Variants in AGPAT5 observed in about 807,000 individuals in gnomAD.
AGPAT5 encodes 1-acyl-sn-glycerol-3-phosphate acyltransferase epsilon.
A neutral mutation model predicts 45.6 loss-of-function variants in AGPAT5; 46 were observed. That is an observed-to-expected ratio of 1.01 (90% CI 0.80 to 1.29). AGPAT5 has a LOEUF of 1.29. Ranked by LOEUF, AGPAT5 falls within the 50% of genes most tolerant of loss-of-function variation. AGPAT5 has a pLI of 0.00. For synonymous variants in AGPAT5, 272 were observed against 167.0 expected (o/e 1.63, Z -4.85); for missense variants, 673 against 450.7 (o/e 1.49, Z -4.47).
chr8:6,726,596 C>A (rs1800694371), intron 2 of AGPAT5, among the ~76,000 whole-genome samples: 1 of 151,978 alleles, frequency 6.6e-6, no homozygotes. Context: ...TATATGTATT[C>A]CTTCAGATTA....
intron 1 of AGPAT5, among the ~76,000 whole-genome samples, chr8:6,720,230 A>G (rs1372501267): frequency 2.7e-5 from 4 of 146,958 alleles, no homozygotes; most frequent in Non-Finnish European, 4.5e-5. Flanking sequence ...TCGCTGGAAC[A>G]TTCTGGACAC....
At chr8:6,740,464 T>G (rs1801211394) in intron 4 of AGPAT5, among the ~76,000 whole-genome samples, 1 of 148,728 alleles carries the variant, frequency 6.7e-6, no homozygotes, top group African/African-American at 2.4e-5. Flanking sequence ...TTAAATATAA[T>G]TATACATATA....
chr8:6,727,222 G>A (rs753759715), intron 2 of AGPAT5, among the ~76,000 whole-genome samples: 2 of 152,106 alleles, frequency 1.3e-5, no homozygotes, highest in Non-Finnish European at 2.9e-5. Context: ...CAAAAGAATT[G>A]ACATTTAAAT....
chr8:6,750,107 C>G (rs141639499), intron 6 of AGPAT5, among the ~76,000 whole-genome samples: 3 of 152,354 alleles, frequency 2.0e-5, no homozygotes, highest in East Asian at 3.9e-4. Context: ...GGCTACTGTT[C>G]TCCCACAGTG....
intron 1 of AGPAT5, among the ~76,000 whole-genome samples, chr8:6,718,628 C>G (rs1404857950): frequency 6.6e-6 from 1 of 152,202 alleles, no homozygotes; most frequent in Non-Finnish European, 1.5e-5. Context: ...GCTGATGATT[C>G]CATGGATAGC....
intron 6 of AGPAT5, 136 bp downstream of exon 6, chr8:6,747,964 G>T: frequency 1.1e-6 from 1 of 944,914 alleles, no homozygotes; most frequent in Non-Finnish European, 1.5e-6. Flanking sequence ...TTTTCAAGAT[G>T]TTATTAAGAT....
chr8:6,737,381 C>A (rs1193709368), intron 4 of AGPAT5, among the ~76,000 whole-genome samples: 1 of 152,170 alleles, frequency 6.6e-6, no homozygotes, highest in Non-Finnish European at 1.5e-5. Context: ...CTTACTAGTT[C>A]TCATGAATCT....
At chr8:6,733,131 T>G (rs902880180) in intron 4 of AGPAT5, among the ~76,000 whole-genome samples, 1 of 152,230 alleles carries the variant, frequency 6.6e-6, no homozygotes, top group Admixed American at 6.5e-5. Context: ...TATAAAACTT[T>G]ATTCCACAAA....
intron 4 of AGPAT5, among the ~76,000 whole-genome samples, chr8:6,737,997 C>G (rs1380396208): frequency 6.6e-6 from 1 of 152,186 alleles, no homozygotes; most frequent in Admixed American, 6.5e-5. Flanking sequence ...AGTGTTGTGG[C>G]TGGTTTGATG....
chr8:6,731,040 T>G (rs549987534), intron 3 of AGPAT5, among the ~76,000 whole-genome samples: 180 of 152,066 alleles, frequency 1.2e-3, no homozygotes, highest in African/African-American at 4.3e-3. Flanking sequence ...GGCTAAATTT[T>G]CTATTTTTTG....
At chr8:6,753,580 G>A (rs1563308472) in intron 6 of AGPAT5, among the ~76,000 whole-genome samples, 1 of 152,086 alleles carries the variant, frequency 6.6e-6, no homozygotes. Flanking sequence ...CTACTTTATA[G>A]ACTTGCACCC....
In AGPAT5 at chr8:6,741,326, C is replaced by T. The variant is rs1006309040; in HGVS notation, c.496-335C>T. Among the ~76,000 whole-genome samples the T allele has an allele frequency of 2.6e-5, 4 of 152,136 alleles. No homozygotes were observed. In the East Asian group the frequency reaches 7.7e-4, roughly 29 times the overall value. On this transcript the variant is annotated intron_variant, in intron 4 of 7. Transcript: ENST00000285518. Reference sequence around the variant, plus strand: ...TGACGTATTACAGGATCTGAAAGGGCAAAAACTCATTGAGGCTTTGTATGA... The same window carrying T: ...TGACGTATTACAGGATCTGAAAGGGTAAAAACTCATTGAGGCTTTGTATGA...
At chr8:6,714,004 C>G (rs116931493) in intron 1 of AGPAT5, among the ~76,000 whole-genome samples, 2,697 of 152,304 alleles carry the variant, frequency 0.018, 38 homozygotes, top group South Asian at 0.041. Flanking sequence ...GTAAAAGCAG[C>G]CATTCATTAG....
intron 4 of AGPAT5, among the ~76,000 whole-genome samples, chr8:6,741,228 T>A (rs2116926419): frequency 6.6e-6 from 1 of 152,234 alleles, no homozygotes; most frequent in East Asian, 1.9e-4. Flanking sequence ...TACTATATGA[T>A]TTTCATCAAA....
rs766356456 is a variant in AGPAT5 at position 6,708,717 on chromosome 8, C to T, written c.49C>T (p.Pro17Ser). The change falls in exon 1 of 8, where the codon CCC becomes TCC. Residue 17 changes from proline to serine, a missense_variant. Pro to Ser is a moderately conservative substitution (Grantham distance 74). Coordinates refer to ENST00000285518, the MANE Select transcript of AGPAT5 (RefSeq NM_018361.5). Reference sequence around the variant, plus strand: ...CACGTACTCCATGCGCTACCTGCTGCCCAGCGTCGTGCTCCTGGGCACGGC... The same window carrying T: ...CACGTACTCCATGCGCTACCTGCTGTCCAGCGTCGTGCTCCTGGGCACGGC... Reference protein sequence around the residue: ...LHTYSMRYLLPSVVLLGTAPT... With the variant: ...LHTYSMRYLLSSVVLLGTAPT... 1.9e-6 allele frequency: 3 copies of T among 1,606,280 alleles called. No individual in the cohort carries two copies. The highest frequency in any genetic ancestry group is 2.5e-6 in the Non-Finnish European group (3 of 1,179,648).
chr8:6,715,516 A>G (rs1278178552), intron 1 of AGPAT5, among the ~76,000 whole-genome samples: 1 of 152,242 alleles, frequency 6.6e-6, no homozygotes, highest in Non-Finnish European at 1.5e-5. Flanking sequence ...TATGTAAATA[A>G]TTCCATCTTT....
At chr8:6,724,073 A>G (rs1489228740) in intron 1 of AGPAT5, among the ~76,000 whole-genome samples, 1 of 152,202 alleles carries the variant, frequency 6.6e-6, no homozygotes, top group African/African-American at 2.4e-5. Flanking sequence ...AAAATATGTA[A>G]GACACACAAA....
At chr8:6,738,397 G>A (rs1587040693) in intron 4 of AGPAT5, 2 of 152,144 alleles carry the variant, frequency 1.3e-5, no homozygotes, top group African/African-American at 2.4e-5. Context: ...GAACACACAC[G>A]ACATTTATCA....
intron 4 of AGPAT5, among the ~76,000 whole-genome samples, chr8:6,740,225 G>T (rs1046904164): frequency 6.6e-6 from 1 of 151,952 alleles, no homozygotes; most frequent in African/African-American, 2.4e-5. Context: ...AAATGACTGA[G>T]TTGAAAGCTG....
Sources: allele counts gnomAD v4.1 joint callset (sites outside exome capture counted in the v4.1 genomes callset), GRCh38; gene constraint gnomAD v4.1.1; transcripts MANE v1.5; gene names NCBI Gene and HGNC (gene_info 2026-07-23, HGNC 2026-07-21).